The following ANKRD36C variants were observed in gnomAD, a reference collection of about 807,000 sequenced individuals.
The protein encoded by ANKRD36C is ankyrin repeat domain-containing protein 36C.
In ANKRD36C, 61 loss-of-function variants were observed where a neutral mutation model predicts 276.4. The ratio of observed to expected loss-of-function variants is 0.22; its 90% CI spans 0.18 to 0.27. The LOEUF (loss-of-function observed/expected upper bound fraction) is 0.27. Among genes scored for constraint, ANKRD36C ranks in the 10% least tolerant of loss-of-function variants. ANKRD36C has a pLI of 1.00. For synonymous variants in ANKRD36C, 483 were observed against 680.1 expected, an observed-to-expected ratio of 0.71 and a Z score of 4.51; for missense variants, 1,447 against 2,032.3, an observed-to-expected ratio of 0.71 and a Z score of 5.54.
At chr2:95,890,857 A>C (rs1022701005) in intron 46 of ANKRD36C, among the ~76,000 whole-genome samples, 1 of 151,492 alleles carries the variant, frequency 6.6e-6, no homozygotes, top group Admixed American at 6.6e-5. Context: ...TGGGAGGACC[A>C]TGTTATTCTT....
intron 32 of ANKRD36C, among the ~76,000 whole-genome samples, chr2:95,923,246 T>C (rs1325964438): frequency 6.6e-6 from 1 of 151,660 alleles, no homozygotes; most frequent in Non-Finnish European, 1.5e-5. Context: ...GAGCCCCTTA[T>C]GTCTTGATCT....
chr2:95,902,706 G>A (rs1337298936), intron 42 of ANKRD36C, among the ~76,000 whole-genome samples, 180 bp downstream of exon 54: 6 of 150,312 alleles, frequency 4.0e-5, no homozygotes, highest in Non-Finnish European at 7.4e-5. Context: ...ATCTTACTGC[G>A]AAGATCATGT....
At chr2:95,885,979 A>C (rs1260753532) in intron 52 of ANKRD36C, 69 bp downstream of exon 72, 1 of 1,563,772 alleles carries the variant, frequency 6.4e-7, no homozygotes, top group East Asian at 2.4e-5. Flanking sequence ...CCCCCCGCTG[A>C]TTTATTTGGG....
intron 38 of ANKRD36C, 149 bp downstream of exon 40, chr2:95,915,831 A>G: frequency 8.6e-7 from 1 of 1,156,232 alleles, no homozygotes; most frequent in Non-Finnish European, 1.2e-6. Context: ...CAGCAGCAAC[A>G]GCGTAACCCA....
intron 59 of ANKRD36C, among the ~76,000 whole-genome samples, chr2:95,872,081 T>C (rs1675826782): frequency 6.8e-6 from 1 of 146,578 alleles, no homozygotes; most frequent in South Asian, 2.3e-4. Flanking sequence ...GACTTTAACA[T>C]CCCACTGTCA....
intron 38 of ANKRD36C, among the ~76,000 whole-genome samples, chr2:95,915,351 T>G (rs775559603): frequency 1.3e-5 from 2 of 151,544 alleles, no homozygotes; most frequent in Non-Finnish European, 3.0e-5. Context: ...TGTGTTTTTA[T>G]GCCAATTCAA....
chr2:95,970,228 T>C (rs953805355), intron 6 of ANKRD36C, among the ~76,000 whole-genome samples: 2 of 152,200 alleles, frequency 1.3e-5, no homozygotes, highest in Non-Finnish European at 2.9e-5. Flanking sequence ...GAGATCAGTG[T>C]CCTTACTCTC....
chr2:95,972,134 C>A lies in ANKRD36C; in HGVS notation c.799+5988G>T, dbSNP rs541365223. Among the ~76,000 whole-genome samples, 5 of 152,266 alleles carry A rather than the reference C, an allele frequency of 3.3e-5. No homozygotes were observed. In the South Asian group the frequency reaches 1.0e-3, roughly 31 times the overall value. On this transcript the variant is annotated intron_variant, in intron 6 of 66. Transcript: ENST00000456556. The stretch of plus-strand genomic sequence containing the variant: ...TGTCATTCTTAGAAAGGCCTACATG[C>A]AAAACTGGCCCTTTGCTGGTGTTTG...
intron 24 of ANKRD36C, 109 bp from the exon 25 acceptor site, chr2:95,929,376 A>G: frequency 1.0e-6 from 1 of 977,888 alleles, no homozygotes; most frequent in Non-Finnish European, 1.5e-6. Flanking sequence ...TCCTGCCTGT[A>G]TTACTGTAGG....
At chr2:95,987,003 TG>T in intron 2 of ANKRD36C, 79 bp from the exon 3 acceptor site, 1 of 1,589,088 alleles carries the variant, frequency 6.3e-7, no homozygotes, top group Non-Finnish European at 8.6e-7. Context: ...ACTAGTTATA[TG>T]GTGGTATTCC....
chr2:95,918,606 A>T (rs1396298046), intron 34 of ANKRD36C, among the ~76,000 whole-genome samples: 2 of 151,682 alleles, frequency 1.3e-5, no homozygotes, highest in Non-Finnish European at 3.0e-5. Flanking sequence ...AGTAGATAAT[A>T]TTCATTATCT....
In ANKRD36C at chr2:95,920,068, C is replaced by G; in HGVS notation, c.2245+1539G>C. The G allele has an allele frequency of 5.9e-6, 6 of 1,010,094 alleles. 1 individual carries two copies. The highest frequency in any genetic ancestry group is 2.9e-4 in the Middle Eastern group (1 of 3,482). The allele number at this position is 1,010,094 out of a possible 1,614,324, so 62.6% of individuals were successfully genotyped here. A position where few individuals can be genotyped will look rare whatever the true frequency, so the allele number is the denominator to read the frequency against. On this transcript the variant is annotated intron_variant, in intron 34 of 66. Transcript: ENST00000456556. Reference sequence around the variant, plus strand: ...TCTACTTTGTGTCTTGGGACTGGAACATGACAGAAATACACTGGTAAGAGG... The same window carrying G: ...TCTACTTTGTGTCTTGGGACTGGAAGATGACAGAAATACACTGGTAAGAGG...
chr2:95,855,202 C>G, intron 63 of ANKRD36C, 64 bp downstream of exon 83: 8 of 1,481,954 alleles, frequency 5.4e-6, no homozygotes, highest in Non-Finnish European at 7.2e-6. Context: ...TCAGCTGTAA[C>G]CAAATATTAC....
intron 6 of ANKRD36C, among the ~76,000 whole-genome samples, chr2:95,966,091 A>C (rs918183597): frequency 6.6e-6 from 1 of 152,186 alleles, no homozygotes; most frequent in African/African-American, 2.4e-5. Context: ...AAGCATGACT[A>C]CTTACTTTCT....
At chr2:95,924,577 G>A (rs1257584605) in intron 30 of ANKRD36C, among the ~76,000 whole-genome samples, 3 of 151,582 alleles carry the variant, frequency 2.0e-5, no homozygotes, top group Admixed American at 2.0e-4. Flanking sequence ...TCACTAAATA[G>A]CTATTTTAAT....
At chr2:95,870,609 T>A (rs1377102224) in intron 59 of ANKRD36C, among the ~76,000 whole-genome samples, 1 of 151,984 alleles carries the variant, frequency 6.6e-6, no homozygotes, top group East Asian at 1.9e-4. Flanking sequence ...GCAGAGCGCC[T>A]CTCCTCTTCC....
intron 6 of ANKRD36C, among the ~76,000 whole-genome samples, chr2:95,974,897 T>C (rs1179947068): frequency 3.4e-5 from 5 of 148,016 alleles, no homozygotes; most frequent in Non-Finnish European, 5.9e-5. Context: ...AGTGAGAACA[T>C]GTGGTGTTTG....
chr2:95,850,588 TG>T (rs1181500905), downstream of ANKRD36C, among the ~76,000 whole-genome samples: 1 of 152,212 alleles, frequency 6.6e-6, no homozygotes, highest in Non-Finnish European at 1.5e-5. Flanking sequence ...GTGCAGAGTA[TG>T]GTAAGTGGCG....
intron 42 of ANKRD36C, 131 bp downstream of exon 44, chr2:95,912,113 A>C: frequency 7.6e-7 from 1 of 1,323,122 alleles, no homozygotes. Context: ...CCAAGAACTT[A>C]TTAGAAATGA....
Sources: gnomAD v4.1 joint callset for allele counts (sites outside exome capture counted in the v4.1 genomes callset) on GRCh38, gnomAD v4.1.1 for gene constraint, MANE v1.5 for transcripts, NCBI Gene and HGNC (gene_info 2026-07-23, HGNC 2026-07-21) for gene names.